Variants in TCF7L1 observed in about 807,000 individuals in gnomAD.
TCF7L1 encodes transcription factor 7-like 1.
In TCF7L1, 18 loss-of-function variants were observed where a neutral mutation model predicts 63.7. The observed-to-expected ratio is 0.28, with a 90% CI of 0.20 to 0.42. The LOEUF (loss-of-function observed/expected upper bound fraction) is 0.42, where lower values mean the gene tolerates loss of function less well. Ranked by LOEUF, TCF7L1 falls within the 10% of genes least tolerant of loss-of-function variation. The probability of loss-of-function intolerance (pLI) is 1.00; values close to 1 mark genes in which losing one functional copy is unlikely to be tolerated. For missense variants in TCF7L1, 654 were observed against 779.3 expected, an observed-to-expected ratio of 0.84 and a Z score of 1.91; for synonymous variants, 355 against 340.9, an observed-to-expected ratio of 1.04 and a Z score of -0.46.
At chr2:85,179,885 T>C (rs937949345) in intron 3 of TCF7L1, among the ~76,000 whole-genome samples, 9 of 152,164 alleles carry the variant, frequency 5.9e-5, no homozygotes, top group Non-Finnish European at 1.2e-4. Flanking sequence ...TGTTAGTTGC[T>C]GAATGAAAAA....
chr2:85,267,522 A>G (rs1272236220), intron 3 of TCF7L1, among the ~76,000 whole-genome samples: 1 of 150,170 alleles, frequency 6.7e-6, no homozygotes. Context: ...GGTGGCGCAC[A>G]CCTGTAATCC....
intron 4 of TCF7L1, among the ~76,000 whole-genome samples, chr2:85,299,904 C>CACACACACACACACACACACACAT (rs1558660698): frequency 6.7e-6 from 1 of 150,272 alleles, no homozygotes; most frequent in African/African-American, 2.5e-5. Flanking sequence ...CACACACACA[C>CACACACACACACACACACACACAT]TGATGCCCAG....
At chr2:85,307,133 G>A (rs1282686435) in intron 10 of TCF7L1, among the ~76,000 whole-genome samples, 3 of 150,798 alleles carry the variant, frequency 2.0e-5, no homozygotes, top group Non-Finnish European at 4.4e-5. Flanking sequence ...CACAGGGCAC[G>A]GGGTTAGCTG....
At chr2:85,221,902 A>G (rs936085117) in intron 3 of TCF7L1, among the ~76,000 whole-genome samples, 1 of 151,366 alleles carries the variant, frequency 6.6e-6, no homozygotes, top group Non-Finnish European at 1.5e-5. Flanking sequence ...GATTGACACC[A>G]TGAGGATATG....
At chr2:85,138,094 A>G (rs1275084572) in intron 3 of TCF7L1, among the ~76,000 whole-genome samples, 1 of 152,188 alleles carries the variant, frequency 6.6e-6, no homozygotes, top group African/African-American at 2.4e-5. Flanking sequence ...ACTTCTAGGT[A>G]GTATTGCTGA....
intron 3 of TCF7L1, among the ~76,000 whole-genome samples, chr2:85,237,866 T>G (rs1680230360): frequency 6.6e-6 from 1 of 152,012 alleles, no homozygotes; most frequent in South Asian, 2.1e-4. Context: ...GCGGGCTCCC[T>G]GGCTCTTCAC....
At chr2:85,158,657 C>T (rs933502411) in intron 3 of TCF7L1, among the ~76,000 whole-genome samples, 1 of 152,184 alleles carries the variant, frequency 6.6e-6, no homozygotes, top group African/African-American at 2.4e-5. Context: ...AAAAAAACTC[C>T]CGGGATTTTC....
chr2:85,183,284 A>T (rs1371900264), intron 3 of TCF7L1, among the ~76,000 whole-genome samples: 1 of 152,174 alleles, frequency 6.6e-6, no homozygotes, highest in African/African-American at 2.4e-5. Flanking sequence ...CAGATCATGA[A>T]TGGAGGTCAT....
intron 3 of TCF7L1, among the ~76,000 whole-genome samples, chr2:85,241,431 G>GTTTTTTTTTTTTTTTTTTTTTT (rs1273488175): frequency 1.5e-5 from 1 of 68,782 alleles, no homozygotes; most frequent in African/African-American, 5.2e-5. Flanking sequence ...GATGCACTTT[G>GTTTTTTTTTTTTTTTTTTTTTT]TTTTTGTTTT....
intron 3 of TCF7L1, among the ~76,000 whole-genome samples, chr2:85,239,492 T>C (rs1680276548): frequency 6.6e-6 from 1 of 152,204 alleles, no homozygotes; most frequent in Non-Finnish European, 1.5e-5. Flanking sequence ...CCCTGGAAGA[T>C]GCCATGCCCC....
intron 3 of TCF7L1, among the ~76,000 whole-genome samples, chr2:85,146,950 C>T (rs569706679): frequency 4.2e-4 from 64 of 152,254 alleles, no homozygotes; most frequent in Non-Finnish European, 8.5e-4. Context: ...CTGTGCAGCT[C>T]TATTGATTCT....
chr2:85,263,279 G>A (rs750062640), intron 3 of TCF7L1, among the ~76,000 whole-genome samples: 4 of 147,654 alleles, frequency 2.7e-5, no homozygotes, highest in East Asian at 2.0e-4. Context: ...CACTGAGCAG[G>A]CATCGGGAAC....
intron 3 of TCF7L1, among the ~76,000 whole-genome samples, chr2:85,242,013 G>C (rs970823239): frequency 1.2e-5 from 1 of 84,914 alleles, no homozygotes; most frequent in Non-Finnish European, 2.5e-5. Context: ...GGCGGAGGGG[G>C]GCGGTGGTGC....
chr2:85,281,020 CTTTT>C (rs56111730), intron 3 of TCF7L1, among the ~76,000 whole-genome samples: 1,077 of 105,636 alleles, frequency 0.01, 9 homozygotes, highest in African/African-American at 0.028. Context: ...CCATTAGCTC[CTTTT>C]TTTTTTTTTT....
At chr2:85,281,213 C>A (rs189140600) in intron 3 of TCF7L1, among the ~76,000 whole-genome samples, 3 of 152,064 alleles carry the variant, frequency 2.0e-5, no homozygotes, top group African/African-American at 7.2e-5. Flanking sequence ...TAGTAAGAGA[C>A]GGGGTTTCAC....
chr2:85,181,776 G>C (rs558052306), intron 3 of TCF7L1, among the ~76,000 whole-genome samples: 1 of 152,244 alleles, frequency 6.6e-6, no homozygotes, highest in Non-Finnish European at 1.5e-5. Flanking sequence ...TTCCCAGGGC[G>C]CTCGTCTGGT....
rs148969672 is a variant in TCF7L1, at chr2:85,211,799, C to T, written c.442-71696C>T. Among the ~76,000 whole-genome samples the T allele has an allele frequency of 9.9e-5, 15 of 152,216 alleles. No homozygotes were observed. In the East Asian group the frequency reaches 2.7e-3, roughly 28 times the overall value. The stretch of plus-strand genomic sequence containing the variant: ...AAGTTAAAAAAGGCATGTAAAAATC[C>T]AGACTTTCGGCCAGGAATGGTAGCT... On this transcript the variant is annotated intron_variant, in intron 3 of 11. Coordinates refer to ENST00000282111, the MANE Select transcript of TCF7L1 (RefSeq NM_031283.3).
At chr2:85,266,802 A>G (rs1453010225) in intron 3 of TCF7L1, among the ~76,000 whole-genome samples, 1 of 152,218 alleles carries the variant, frequency 6.6e-6, no homozygotes, top group Non-Finnish European at 1.5e-5. Context: ...TTAGTATTTC[A>G]TCCCCTTCCA....
chr2:85,180,222 G>T (rs188394694), intron 3 of TCF7L1, among the ~76,000 whole-genome samples: 4,677 of 147,236 alleles, frequency 0.032, 260 homozygotes, highest in African/African-American at 0.11. Context: ...TTTTTTTTTT[G>T]TTTTTGTTTT....
Sources: gnomAD v4.1 joint callset for allele counts (sites outside exome capture counted in the v4.1 genomes callset) on GRCh38, gnomAD v4.1.1 for gene constraint, MANE v1.5 for transcripts, NCBI Gene and HGNC (gene_info 2026-07-23, HGNC 2026-07-21) for gene names.